Variants in RYR3 observed in about 807,000 individuals in gnomAD.
The protein encoded by RYR3 is ryanodine receptor 3.
RYR3 carries 207 observed loss-of-function variants against 584.3 expected under a neutral mutation model. The observed-to-expected ratio is 0.35, with a 90% CI of 0.32 to 0.40. The LOEUF is 0.40. RYR3 is among the 10% of genes least tolerant of loss of function. RYR3 has a pLI of 1.00. For synonymous variants in RYR3, 2,416 were observed against 2,248.5 expected, an observed-to-expected ratio of 1.07 and a Z score of -2.11; for missense variants, 5,616 against 6,089.2, an observed-to-expected ratio of 0.92 and a Z score of 2.59.
intron 1 of RYR3, among the ~76,000 whole-genome samples, chr15:33,395,621 G>A (rs2042251155): frequency 6.6e-6 from 1 of 152,226 alleles, no homozygotes; most frequent in Non-Finnish European, 1.5e-5. Flanking sequence ...ACTCTGCTAA[G>A]TAAGTCCTTC....
rs1445226162 is a variant in RYR3 at position 33,750,307 on chromosome 15, T to C, written c.8399+21T>C. 6 of 1,608,602 alleles carry C rather than the reference T, an allele frequency of 3.7e-6. No homozygotes were observed. The East Asian group carries it at 8.9e-5, about 24-fold the overall frequency. ...TCCAGGTAAGTCACCTTCCATGTGA[T>C]GCTAGTGGGACAGGGCTGTGCCTCC... On this transcript the variant is annotated intron_variant, in intron 57 of 103. Transcript: ENST00000634891.
chr15:33,523,246 C>G (rs2054138061), intron 3 of RYR3, among the ~76,000 whole-genome samples: 1 of 152,112 alleles, frequency 6.6e-6, no homozygotes, highest in East Asian at 1.9e-4. Context: ...AGCTGGCCAC[C>G]CGAGCCAGCA....
chr15:33,505,049 A>G (rs2052350823), intron 3 of RYR3, among the ~76,000 whole-genome samples: 1 of 152,218 alleles, frequency 6.6e-6, no homozygotes, highest in South Asian at 2.1e-4. Flanking sequence ...TGGAGAGTAC[A>G]CTGTCTGTGG....
chr15:33,540,143 T>G (rs1017537190), intron 6 of RYR3, among the ~76,000 whole-genome samples: 3 of 152,196 alleles, frequency 2.0e-5, no homozygotes, highest in African/African-American at 7.2e-5. Flanking sequence ...AAGCGCTATA[T>G]GCACATTAAC....
chr15:33,565,820 G>A (rs536164973), intron 11 of RYR3, among the ~76,000 whole-genome samples: 20 of 152,106 alleles, frequency 1.3e-4, no homozygotes, highest in Non-Finnish European at 2.1e-4. Flanking sequence ...ACAAAAAGCT[G>A]GTAGTCCCAA....
chr15:33,725,180 C>CACACACACACACATATATAT (rs1555427019), intron 45 of RYR3, among the ~76,000 whole-genome samples: 8 of 143,792 alleles, frequency 5.6e-5, no homozygotes, highest in Non-Finnish European at 1.1e-4. Flanking sequence ...CACACACACA[C>CACACACACACACATATATAT]ACACACACAC....
intron 1 of RYR3, among the ~76,000 whole-genome samples, chr15:33,376,703 C>G (rs893373535): frequency 9.9e-5 from 15 of 152,226 alleles, no homozygotes; most frequent in Admixed American, 3.3e-4. Context: ...CTTCATCTGT[C>G]TAAGGTCACG....
At chr15:33,783,715 G>A (rs2074533237) in intron 65 of RYR3, among the ~76,000 whole-genome samples, 1 of 152,220 alleles carries the variant, frequency 6.6e-6, no homozygotes, top group Admixed American at 6.5e-5. Flanking sequence ...CCTCAAGGTA[G>A]AATGTTTGAC....
At chr15:33,672,405 T>G (rs1456071782) in intron 38 of RYR3, among the ~76,000 whole-genome samples, 4 of 152,208 alleles carry the variant, frequency 2.6e-5, no homozygotes, top group Non-Finnish European at 5.9e-5. Flanking sequence ...CACCTCATGC[T>G]TCTTCCCTTC....
At chr15:33,765,706 G>T (rs1346389392) in intron 60 of RYR3, among the ~76,000 whole-genome samples, 2 of 151,282 alleles carry the variant, frequency 1.3e-5, no homozygotes, top group Admixed American at 1.3e-4. Context: ...CCAGTGAACA[G>T]TGTACATTAT....
chr15:33,509,095 A>C (rs1196081811), intron 3 of RYR3, among the ~76,000 whole-genome samples: 2 of 152,226 alleles, frequency 1.3e-5, no homozygotes, highest in Non-Finnish European at 2.9e-5. Flanking sequence ...TCATAAACTC[A>C]CAAAAAATTT....
intron 57 of RYR3, among the ~76,000 whole-genome samples, chr15:33,752,286 T>C (rs1032810938): frequency 3.3e-5 from 5 of 152,234 alleles, no homozygotes; most frequent in East Asian, 3.8e-4. Flanking sequence ...GGTAGCTTGA[T>C]GGGAATAGCA....
chr15:33,468,776 T>C (rs889702228), intron 1 of RYR3, among the ~76,000 whole-genome samples: 1 of 152,210 alleles, frequency 6.6e-6, no homozygotes, highest in African/African-American at 2.4e-5. Context: ...AGTATCATGA[T>C]AGGCAGAAAT....
In RYR3 at chr15:33,405,340, C is replaced by T. The variant is rs1322702188; in HGVS notation, c.52-68079C>T. ...GAGTTTAACTGGGGTGAGATGTGAC[C>T]TTATAAACTGTCCTGTGTCCCCTCT... is the stretch of plus-strand genomic sequence containing the variant. On this transcript the variant is annotated intron_variant, in intron 1 of 103. Coordinates refer to ENST00000634891, the MANE Select transcript of RYR3 (RefSeq NM_001036.6). Among the ~76,000 whole-genome samples the T allele has an allele frequency of 3.3e-5, 5 of 152,186 alleles. No homozygotes were observed. In the South Asian group the frequency reaches 8.3e-4, roughly 25 times the overall value.
intron 2 of RYR3, among the ~76,000 whole-genome samples, chr15:33,497,976 G>C (rs1347268870): frequency 2.0e-5 from 3 of 151,498 alleles, no homozygotes; most frequent in African/African-American, 7.3e-5. Context: ...TTTTCTTTTT[G>C]TGCCTAGCTT....
intron 33 of RYR3, 109 bp from the exon 34 acceptor site, chr15:33,660,088 G>C: frequency 4.1e-6 from 3 of 725,376 alleles, no homozygotes; most frequent in Non-Finnish European, 7.0e-6. Flanking sequence ...GAGATCCCTG[G>C]ATACATTTGT....
At chr15:33,808,878 T>C (rs777683456) in intron 70 of RYR3, among the ~76,000 whole-genome samples, 4 of 152,166 alleles carry the variant, frequency 2.6e-5, no homozygotes, top group Non-Finnish European at 5.9e-5. Context: ...ACTGGTGTTT[T>C]GGAGCACTGG....
chr15:33,425,881 AT>A (rs779136891), intron 1 of RYR3, among the ~76,000 whole-genome samples: 28 of 151,976 alleles, frequency 1.8e-4, no homozygotes, highest in Admixed American at 3.9e-4. Context: ...TGACCTCGTG[AT>A]CCGCCCGCCT....
chr15:33,726,424 G>A lies in RYR3; in HGVS notation c.6951G>A (p.Arg2317=). 6.2e-7 allele frequency: 1 copy of A among 1,612,690 alleles called. No homozygotes were observed. Among genetic ancestry groups the A allele is most frequent in the Non-Finnish European group, 8.5e-7 (1 of 1,179,400 alleles). ...QTGKGEAIRI[R]SILRSLVPTE... ...GAAAGGGGGAAGCCATCCGCATCAG[G>A]TCCATCCTGCGCTCCCTGGTCCCCA... is the stretch of plus-strand genomic sequence containing the variant. Residue 2317 remains arginine (R), a synonymous_variant, in exon 46 of 104, where the codon AGG becomes AGA. Coordinates refer to ENST00000634891, the MANE Select transcript of RYR3 (RefSeq NM_001036.6).
Sources: allele counts gnomAD v4.1 joint callset (sites outside exome capture counted in the v4.1 genomes callset), GRCh38; gene constraint gnomAD v4.1.1; transcripts MANE v1.5; gene names NCBI Gene and HGNC (gene_info 2026-07-23, HGNC 2026-07-21).